The following ELF1 variants were observed in gnomAD, a reference collection of about 807,000 sequenced individuals.
The protein encoded by ELF1 is ETS-related transcription factor Elf-1.
A neutral mutation model predicts 59.9 loss-of-function variants in ELF1; 24 were observed. The ratio of observed to expected loss-of-function variants is 0.40; its 90% CI spans 0.29 to 0.56. The LOEUF is 0.56. ELF1 is among the 20% of genes least tolerant of loss of function. The pLI, the probability that ELF1 is intolerant of heterozygous loss-of-function variation, is 0.44. For synonymous variants in ELF1, 248 were observed against 266.2 expected (o/e 0.93, Z 0.67); for missense variants, 627 against 742.2 (o/e 0.84, Z 1.80).
At chr13:40,986,652 A>ACT (rs1352307270) in intron 1 of ELF1, among the ~76,000 whole-genome samples, 3 of 4,286 alleles carry the variant, frequency 7.0e-4, no homozygotes, top group Non-Finnish European at 5.6e-3. Flanking sequence ...CGAGGACTTC[A>ACT]CTCTGGCAAG....
In ELF1 at chr13:40,998,478, T is replaced by C. The variant is rs1317132668; in HGVS notation, c.-228-16196A>G. 2.6e-5 allele frequency among the ~76,000 whole-genome samples: 4 copies of C among 152,224 alleles called. No individual in the cohort carries two copies. In the East Asian group the frequency reaches 7.7e-4, roughly 29 times the overall value. On this transcript the variant is annotated intron_variant, in intron 1 of 8. Coordinates refer to ENST00000239882, the MANE Select transcript of ELF1 (RefSeq NM_172373.4). ...CATCTAGGTTTGTGTAGGTACATTC[T>C]GTGATTTTTTGCAAAAGGATGAAAT...
At chr13:41,009,813 T>A (rs1409207811) in intron 1 of ELF1, among the ~76,000 whole-genome samples, 2 of 152,088 alleles carry the variant, frequency 1.3e-5, no homozygotes, top group Non-Finnish European at 2.9e-5. Context: ...TGCATTTTTT[T>A]AAACTTCAAT....
intron 1 of ELF1, among the ~76,000 whole-genome samples, chr13:41,034,693 T>C (rs1052251185): frequency 6.6e-6 from 1 of 151,990 alleles, no homozygotes; most frequent in South Asian, 2.1e-4. Flanking sequence ...CCAACATATA[T>C]GCTTATAATT....
rs1340545303 is a variant in ELF1, at chr13:40,941,200, G to A, written c.977C>T (p.Thr326Ile). 1.3e-5 allele frequency: 21 copies of A among 1,614,166 alleles called. No individual in the cohort carries two copies. Among genetic ancestry groups the A allele is most frequent in the Non-Finnish European group, 1.8e-5 (21 of 1,180,012 alleles). Reference protein sequence around the residue: ...SSSATSNRNQTSRSRVSSSPG... With the variant: ...SSSATSNRNQISRSRVSSSPG... Reference sequence around the variant, plus strand: ...ACTTGAAGATACTCTCGACCGGCTGGTTTGATTCCTATTTGAAGTGGCTGA... The same window carrying A: ...ACTTGAAGATACTCTCGACCGGCTGATTTGATTCCTATTTGAAGTGGCTGA... The change falls in exon 8 of 9, where the codon ACC becomes ATC. Residue 326 changes from threonine (T) to isoleucine (I), a missense_variant. By Grantham distance (89) the Thr-to-Ile change is moderately conservative. This residue lies in a region of ELF1 where 361 missense variants were observed against 396.1 expected (regional missense o/e 0.91). Coordinates refer to ENST00000239882, the MANE Select transcript of ELF1 (RefSeq NM_172373.4).
chr13:40,940,393 A>G (rs1870063548), intron 8 of ELF1, among the ~76,000 whole-genome samples: 1 of 35,742 alleles, frequency 2.8e-5, no homozygotes, highest in Non-Finnish European at 1.4e-4. Flanking sequence ...ACTGAAAAAA[A>G]AAAAAAAAAA....
At chr13:40,965,680 T>G (rs1487519715) in intron 2 of ELF1, among the ~76,000 whole-genome samples, 1 of 152,076 alleles carries the variant, frequency 6.6e-6, no homozygotes, top group African/African-American at 2.4e-5. Flanking sequence ...ACAAAAACAT[T>G]ACATTCCATT....
chr13:41,041,218 A>C (rs1219723036), intron 1 of ELF1, among the ~76,000 whole-genome samples: 1 of 150,820 alleles, frequency 6.6e-6, no homozygotes, highest in East Asian at 2.0e-4. Context: ...CAGAGCATGA[A>C]GCACTTTTAC....
At chr13:40,951,934 C>T (rs1006740421) in intron 3 of ELF1, among the ~76,000 whole-genome samples, 10 of 151,732 alleles carry the variant, frequency 6.6e-5, no homozygotes, top group African/African-American at 2.4e-4. Context: ...AGCCAACCAG[C>T]ATTCAAATGT....
At chr13:41,002,802 T>G (rs905075117) in intron 1 of ELF1, among the ~76,000 whole-genome samples, 22 of 152,126 alleles carry the variant, frequency 1.4e-4, no homozygotes, top group Non-Finnish European at 1.0e-4. Context: ...CATAGTAATA[T>G]GTATGCTATA....
At chr13:40,943,744 G>T in intron 6 of ELF1, 98 bp downstream of exon 6, 1 of 967,314 alleles carries the variant, frequency 1.0e-6, no homozygotes, top group Non-Finnish European at 1.5e-6. Flanking sequence ...AAGATCCACT[G>T]CAGTATATCA....
In ELF1 at chr13:40,953,949, T is replaced by G. The variant is rs115202180; in HGVS notation, c.254-2513A>C. The stretch of plus-strand genomic sequence containing the variant: ...ACTAGAACTAGGAAGAAACACTCCT[T>G]CCGGAAAGACATTGGTCCTCAACTT... On this transcript the variant is annotated intron_variant, in intron 3 of 8. Transcript: ENST00000239882. Among the ~76,000 whole-genome samples the G allele has an allele frequency of 1.7e-3, 260 of 152,290 alleles. 2 individuals carry two copies. Among genetic ancestry groups the G allele is most frequent in the African/African-American group, 6.0e-3 (250 of 41,572 alleles).
intron 1 of ELF1, among the ~76,000 whole-genome samples, chr13:40,996,252 T>C (rs147495328): frequency 6.6e-6 from 1 of 151,882 alleles, no homozygotes; most frequent in East Asian, 1.9e-4. Flanking sequence ...GGAAGACAGT[T>C]TGGCAGTTTC....
At chr13:40,956,746 G>C (rs947531061) in intron 3 of ELF1, among the ~76,000 whole-genome samples, 15 of 150,762 alleles carry the variant, frequency 9.9e-5, no homozygotes, top group African/African-American at 3.6e-4. Flanking sequence ...AGGCTGGAGT[G>C]CAGTGGTGAG....
chr13:40,956,550 C>G (rs1407971002), intron 3 of ELF1, among the ~76,000 whole-genome samples: 2 of 118,288 alleles, frequency 1.7e-5, no homozygotes, highest in Admixed American at 1.1e-4. Flanking sequence ...TCCCCCTCTG[C>G]GAGAAACACC....
At chr13:40,942,291 C>G (rs989428039) in intron 7 of ELF1, among the ~76,000 whole-genome samples, 1 of 152,132 alleles carries the variant, frequency 6.6e-6, no homozygotes, top group Non-Finnish European at 1.5e-5. Flanking sequence ...ATATCTATAT[C>G]TGTCTATCCC....
intron 1 of ELF1, among the ~76,000 whole-genome samples, chr13:41,060,548 T>A (rs1361217005): frequency 6.6e-6 from 1 of 151,740 alleles, no homozygotes; most frequent in East Asian, 1.9e-4. Context: ...CGCATTCGCT[T>A]CTCCAGCAGG....
At chr13:40,959,223 G>T (rs543374694) in intron 2 of ELF1, among the ~76,000 whole-genome samples, 1 of 152,050 alleles carries the variant, frequency 6.6e-6, no homozygotes. Context: ...AAGGCTGGGC[G>T]CGGTGACTCA....
rs1870163653 is a variant in ELF1 at position 40,941,373 on chromosome 13, A to G, written c.807-3T>C. 1 of 1,555,906 alleles carries G rather than the reference A, an allele frequency of 6.4e-7. No individual in the cohort carries two copies. The highest frequency in any genetic ancestry group is 8.7e-7 in the Non-Finnish European group (1 of 1,154,510). On this transcript the variant is annotated splice_polypyrimidine_tract_variant and splice_region_variant and intron_variant, in intron 7 of 8. Transcript: ENST00000239882. ...GAATACCCCTTTGGTAATAGTACCT[A>G]TTCAAAGCAGACAATTTCATCAATC...
chr13:40,947,168 T>C (rs950964004), intron 5 of ELF1, among the ~76,000 whole-genome samples: 6 of 152,112 alleles, frequency 3.9e-5, no homozygotes, highest in African/African-American at 9.7e-5. Context: ...GCAGCATTAT[T>C]TGCAGTTGCC....
Sources: allele counts gnomAD v4.1 joint callset (sites outside exome capture counted in the v4.1 genomes callset), GRCh38; gene constraint gnomAD v4.1.1; regional missense constraint gnomAD v4.1.1; transcripts MANE v1.5; gene names NCBI Gene and HGNC (gene_info 2026-07-23, HGNC 2026-07-21).